NPHS1: variants seen among roughly 807,000 people sequenced by gnomAD.
The protein encoded by NPHS1 is nephrin.
In NPHS1, 107 loss-of-function variants were observed where a neutral mutation model predicts 139.7. The ratio of observed to expected loss-of-function variants is 0.77; its 90% CI spans 0.66 to 0.90. The LOEUF is 0.90. Ranked by LOEUF, NPHS1 falls within the 40% of genes least tolerant of loss-of-function variation. The pLI is 0.00. For missense variants in NPHS1, 1,580 were observed against 1,654.2 expected, an observed-to-expected ratio of 0.96 and a Z score of 0.78; for synonymous variants, 707 against 706.6, an observed-to-expected ratio of 1.00 and a Z score of -0.01.
chr19:35,832,811 G>A (rs1455672526), intron 23 of NPHS1, among the ~76,000 whole-genome samples: 3 of 146,224 alleles, frequency 2.1e-5, no homozygotes, highest in South Asian at 2.2e-4. Flanking sequence ...CACTTGAACT[G>A]GGGAGGCAGA....
chr19:35,849,499 A>C (rs760106807), intron 6 of NPHS1, 51 bp downstream of exon 6: 2 of 1,592,116 alleles, frequency 1.3e-6, no homozygotes, highest in East Asian at 2.2e-5. Context: ...CACACCCCCC[A>C]GTGCCTGCTC....
intron 28 of NPHS1, among the ~76,000 whole-genome samples, chr19:35,828,280 T>C (rs1054115194): frequency 1.3e-5 from 2 of 152,140 alleles, no homozygotes; most frequent in Non-Finnish European, 1.5e-5. Context: ...TTTTCTTTTT[T>C]TTTGAGACGG....
chr19:35,842,449 G>T lies in NPHS1; in HGVS notation c.2436C>A (p.Gly812=), dbSNP rs768441489. The T allele has an allele frequency of 1.2e-6, 2 of 1,613,994 alleles. No homozygotes were observed. Among genetic ancestry groups the T allele is most frequent in the South Asian group, 1.1e-5 (1 of 91,092 alleles). The change falls in exon 18 of 29, where the codon GGC becomes GGA. Residue 812 remains glycine, a synonymous_variant. Coordinates refer to ENST00000378910, the MANE Select transcript of NPHS1 (RefSeq NM_004646.4). The part of the protein sequence containing the change: ...RIHHAKLAQA[G]AYQCIVDNGV... ...CATTGTCCACAATGCACTGGTAAGC[G>T]CCAGCCTGGGCCAGTTTGGCATGGT...
At position 35,849,573 on chromosome 19, in the gene NPHS1, G is replaced by A. The variant is rs771908552; in HGVS notation, c.689C>T (p.Ala230Val). The change falls in exon 6 of 29, where the codon GCC (alanine) becomes GTC (valine). Residue 230 changes from alanine (A) to valine (V), a missense_variant. By Grantham distance (64) the Ala-to-Val change is moderately conservative. Coordinates refer to ENST00000378910, the MANE Select transcript of NPHS1 (RefSeq NM_004646.4). The stretch of plus-strand genomic sequence containing the variant: ...ACACAGAACATTCACGGTGAATGAG[G>A]CCTTGATGGGGGCCTCCAGTGCTGG... Reference protein sequence around the residue: ...SSPALEAPIKASFTVNVLFPP... With the variant: ...SSPALEAPIKVSFTVNVLFPP... 1 of 1,613,840 alleles carries A rather than the reference G, an allele frequency of 6.2e-7. No individual in the cohort carries two copies. Among genetic ancestry groups the A allele is most frequent in the Non-Finnish European group, 8.5e-7 (1 of 1,179,866 alleles).
In NPHS1 at chr19:35,848,629, C is replaced by T. The variant is rs140808195; in HGVS notation, c.1170+8G>A. ...TGCTCAGACCCAGGAGCCTGGCCCC[C>T]GCCTCACATCCATGACTGTCTCCTC... On this transcript the variant is annotated splice_region_variant and intron_variant, in intron 9 of 28. Coordinates refer to ENST00000378910, the MANE Select transcript of NPHS1 (RefSeq NM_004646.4). 10,365 of 1,613,042 alleles carry T rather than the reference C, an allele frequency of 6.4e-3. 42 individuals are homozygous for T. Among genetic ancestry groups the T allele is most frequent in the Non-Finnish European group, 8.2e-3 (9,730 of 1,179,950 alleles).
chr19:35,836,059 A>G (rs1972954780), intron 22 of NPHS1, among the ~76,000 whole-genome samples: 1 of 147,178 alleles, frequency 6.8e-6, no homozygotes, highest in Admixed American at 6.9e-5. Context: ...TCCCGGGTTC[A>G]AGCAATTCTC....
chr19:35,830,563 C>T (rs1386774239), intron 28 of NPHS1, among the ~76,000 whole-genome samples: 1 of 152,232 alleles, frequency 6.6e-6, no homozygotes, highest in East Asian at 1.9e-4. Flanking sequence ...GTGCACACCT[C>T]CATGCCTGGC....
rs1403588046 is a variant in NPHS1, at chr19:35,844,701, G to T, written c.1931-242C>A. Reference sequence around the variant, plus strand: ...AAGGATGGAAACAGGAGTCATGAGGGGGGTTAGGAGAGAGGACAAATGCAA... The same window carrying T: ...AAGGATGGAAACAGGAGTCATGAGGTGGGTTAGGAGAGAGGACAAATGCAA... On this transcript the variant is annotated intron_variant, in intron 14 of 28. Coordinates refer to ENST00000378910, the MANE Select transcript of NPHS1 (RefSeq NM_004646.4). Among the ~76,000 whole-genome samples, 4 of 152,144 alleles carry T rather than the reference G, an allele frequency of 2.6e-5. No individual in the cohort carries two copies. The East Asian group carries it at 7.7e-4, about 29-fold the overall frequency.
chr19:35,849,592 G>C lies in NPHS1; in HGVS notation c.670C>G (p.Leu224Val). 1.2e-6 allele frequency: 2 copies of C among 1,614,138 alleles called. No homozygotes were observed. Among genetic ancestry groups the C allele is most frequent in the Non-Finnish European group, 1.7e-6 (2 of 1,179,996 alleles). The change falls in exon 6 of 29, where the codon CTG becomes GTG. Residue 224 changes from leucine (L) to valine (V), a missense_variant. Leu to Val is a conservative substitution (Grantham distance 32). Coordinates refer to ENST00000378910, the MANE Select transcript of NPHS1 (RefSeq NM_004646.4). ...AATGAGGCCTTGATGGGGGCCTCCA[G>C]TGCTGGGCTAGACGCCTCACAGACC... Reference protein sequence around the residue: ...LLVCEASSPALEAPIKASFTV... With the variant: ...LLVCEASSPAVEAPIKASFTV...
rs752337753 is a variant in NPHS1, at chr19:35,839,549, C to A, written c.2874G>T (p.Gly958=). The change falls in exon 21 of 29, where the codon GGG becomes GGT. Residue 958 remains glycine (G), a synonymous_variant. Coordinates refer to ENST00000378910, the MANE Select transcript of NPHS1 (RefSeq NM_004646.4). ...CATCAAAGCCAGGCTTCCACTCCAG[C>A]CCCACGGAGTGTGGGGTCAGACTCA... ...KVVSLTPHSV[G]LEWKPGFDGG... The A allele has an allele frequency of 2.8e-5, 45 of 1,614,062 alleles. No homozygotes were observed. The African/African-American group carries it at 4.3e-4, about 15-fold the overall frequency.
Position 35,825,390 on chromosome 19 carries a change from T to C in NPHS1, c.*1124A>G, listed in dbSNP as rs1030667734. ...TATGAAGCCTGTTTTTAAAATCACT[T>C]TTATTGAGATATCATTTATGTACAA... On this transcript the variant is annotated 3_prime_UTR_variant, in exon 29 of 29. Coordinates refer to ENST00000378910, the MANE Select transcript of NPHS1 (RefSeq NM_004646.4). 6.6e-5 allele frequency among the ~76,000 whole-genome samples: 10 copies of C among 152,108 alleles called. No homozygotes were observed. Among genetic ancestry groups the C allele is most frequent in the African/African-American group, 2.4e-4 (10 of 41,424 alleles).
In NPHS1 at chr19:35,825,865, A is replaced by T. The variant is rs1800704832; in HGVS notation, c.*649T>A. The stretch of plus-strand genomic sequence containing the variant: ...GAATGCAAAATGAACAGAGTTTTTC[A>T]TATGTCTTTCCCCACTTCTGAAAAC... On this transcript the variant is annotated 3_prime_UTR_variant, in exon 29 of 29. Coordinates refer to ENST00000378910, the MANE Select transcript of NPHS1 (RefSeq NM_004646.4). 3.9e-5 allele frequency: 6 copies of T among 152,280 alleles called. No individual in the cohort carries two copies. Among genetic ancestry groups the T allele is most frequent in the Admixed American group, 3.9e-4 (6 of 15,264 alleles). The allele number at this position is 152,280 out of a possible 1,614,324, so 9.4% of individuals were successfully genotyped here. A position where few individuals can be genotyped will look rare whatever the true frequency, so the allele number is the denominator to read the frequency against.
chr19:35,833,562 T>C (rs546474968), intron 23 of NPHS1, among the ~76,000 whole-genome samples: 4 of 152,342 alleles, frequency 2.6e-5, no homozygotes, highest in African/African-American at 7.2e-5. Context: ...TCTGCCCCTC[T>C]GATTGAAGAA....
At chr19:35,847,682 T>C (rs1973165073) in intron 11 of NPHS1, among the ~76,000 whole-genome samples, 1 of 151,872 alleles carries the variant, frequency 6.6e-6, no homozygotes, top group Non-Finnish European at 1.5e-5. Flanking sequence ...TTTTTTTTTT[T>C]TTTCTGGGAT....
intron 16 of NPHS1, 114 bp from the exon 17 acceptor site, chr19:35,843,707 C>A: frequency 1.5e-6 from 2 of 1,351,004 alleles, no homozygotes; most frequent in Non-Finnish European, 1.0e-6. Context: ...TGGGTGTGGA[C>A]ACAATCTGCC....
intron 9 of NPHS1, 78 bp from the exon 10 acceptor site, chr19:35,848,475 C>A: frequency 1.2e-6 from 2 of 1,604,020 alleles, no homozygotes; most frequent in Non-Finnish European, 1.7e-6. Flanking sequence ...CCATCCCAGT[C>A]CCCAGCAGGG....
chr19:35,850,240 G>C (rs115022560), intron 5 of NPHS1, 124 bp downstream of exon 5: 1 of 762,864 alleles, frequency 1.3e-6, no homozygotes, highest in Non-Finnish European at 2.3e-6. Context: ...TTGAGAGTCA[G>C]GATGAAGAAT....
chr19:35,839,673 T>C, intron 20 of NPHS1, 66 bp from the exon 21 acceptor site: 3 of 1,290,216 alleles, frequency 2.3e-6, no homozygotes, highest in Non-Finnish European at 3.4e-6. Flanking sequence ...TCTGTCCAGG[T>C]TTTCCCTAGG....
rs1258886674 is a variant in NPHS1 at position 35,844,214 on chromosome 19, T to G, written c.2101A>C (p.Ser701Arg). The G allele has an allele frequency of 6.2e-7, 1 of 1,612,934 alleles. No homozygotes were observed. Among genetic ancestry groups the G allele is most frequent in the South Asian group, 1.1e-5 (1 of 91,074 alleles). ...AGGPRHRILS[S>R]GALHLWNVTR... Reference sequence around the variant, plus strand: ...ACATTCCACAGATGCAGAGCCCCGCTGGACAGGATGCGATGCCGGGGGCCG... The same window carrying G: ...ACATTCCACAGATGCAGAGCCCCGCGGGACAGGATGCGATGCCGGGGGCCG... Residue 701 changes from serine to arginine, a missense_variant, in exon 16 of 29, where the codon AGC (serine) becomes CGC (arginine). Coordinates refer to ENST00000378910, the MANE Select transcript of NPHS1 (RefSeq NM_004646.4).
Sources: gnomAD v4.1 joint callset for allele counts (sites outside exome capture counted in the v4.1 genomes callset) on GRCh38, gnomAD v4.1.1 for gene constraint, MANE v1.5 for transcripts, NCBI Gene and HGNC (gene_info 2026-07-23, HGNC 2026-07-21) for gene names.